Variants in KCNH7 observed in about 807,000 individuals in gnomAD.
The protein encoded by KCNH7 is voltage-gated inwardly rectifying potassium channel KCNH7.
KCNH7 carries 49 observed loss-of-function variants against 120.8 expected under a neutral mutation model. The observed-to-expected ratio is 0.41, with a 90% CI of 0.32 to 0.51. KCNH7 has a LOEUF of 0.51. KCNH7 is among the 20% of genes least tolerant of loss of function. The pLI, the probability that KCNH7 is intolerant of heterozygous loss-of-function variation, is 0.38. For missense variants in KCNH7, 1,097 were observed against 1,446.6 expected, an observed-to-expected ratio of 0.76 and a Z score of 3.92; for synonymous variants, 547 against 516.1, an observed-to-expected ratio of 1.06 and a Z score of -0.81.
chr2:162,432,295 C>T (rs539189444), intron 8 of KCNH7, among the ~76,000 whole-genome samples: 1 of 152,014 alleles, frequency 6.6e-6, no homozygotes, highest in South Asian at 2.1e-4. Context: ...TTTCTGGGTA[C>T]AATGTTACTT....
chr2:162,835,564 T>A (rs1685633448), intron 2 of KCNH7, among the ~76,000 whole-genome samples: 1 of 151,996 alleles, frequency 6.6e-6, no homozygotes, highest in African/African-American at 2.4e-5. Context: ...ACATTCAATT[T>A]TTTAAAGTAA....
intron 2 of KCNH7, among the ~76,000 whole-genome samples, chr2:162,815,618 A>C (rs79697348): frequency 0.036 from 5,493 of 152,334 alleles, 136 homozygotes; most frequent in Non-Finnish European, 0.057. Flanking sequence ...GCAGACAAAC[A>C]CTGAGGAAGA....
intron 2 of KCNH7, among the ~76,000 whole-genome samples, chr2:162,713,950 T>C (rs1687017184): frequency 6.6e-6 from 1 of 152,154 alleles, no homozygotes. Flanking sequence ...GGTTTTACCA[T>C]GTTGGCCAGG....
At chr2:162,405,341 C>T (rs972755915) in intron 9 of KCNH7, among the ~76,000 whole-genome samples, 1 of 151,624 alleles carries the variant, frequency 6.6e-6, no homozygotes, top group African/African-American at 2.4e-5. Context: ...TTTGAGGACC[C>T]CAAATTTAAA....
Position 162,505,352 on chromosome 2 carries a change from T to C in KCNH7, c.914-695A>G, listed in dbSNP as rs185534236. Reference sequence around the variant, plus strand: ...TTATGTTTAAGTCTTGACCACTTTCTGAGAAAAAAAAAAGGCGCTATTAAA... The same window carrying C: ...TTATGTTTAAGTCTTGACCACTTTCCGAGAAAAAAAAAAGGCGCTATTAAA... On this transcript the variant is annotated intron_variant, in intron 5 of 15. Transcript: ENST00000332142. Among the ~76,000 whole-genome samples, 1,449 of 151,410 alleles carry C rather than the reference T, an allele frequency of 9.6e-3. 31 individuals carry two copies. The highest frequency in any genetic ancestry group is 0.032 in the African/African-American group (1,335 of 41,320).
chr2:162,691,301 T>C (rs948855818), intron 2 of KCNH7, among the ~76,000 whole-genome samples: 2 of 152,214 alleles, frequency 1.3e-5, no homozygotes, highest in Admixed American at 6.5e-5. Flanking sequence ...ACTCCATTCC[T>C]ATTTATATTT....
chr2:162,581,126 C>T (rs960361540), intron 2 of KCNH7, among the ~76,000 whole-genome samples: 6 of 152,018 alleles, frequency 3.9e-5, no homozygotes, highest in African/African-American at 1.2e-4. Context: ...CTTCACGCAA[C>T]TGAAATTTGA....
intron 9 of KCNH7, among the ~76,000 whole-genome samples, chr2:162,408,017 A>T (rs1327448751): frequency 2.0e-5 from 3 of 152,044 alleles, no homozygotes; most frequent in Admixed American, 2.0e-4. Flanking sequence ...TACATTGGCA[A>T]TCACCCCAGT....
Position 162,379,857 on chromosome 2 carries a change from T to C in KCNH7, c.3127A>G (p.Asn1043Asp). 6.2e-7 allele frequency: 1 copy of C among 1,613,956 alleles called. No individual in the cohort carries two copies. Among genetic ancestry groups the C allele is most frequent in the African/African-American group, 1.3e-5 (1 of 75,038 alleles). ...QRLDLLQEQL[N>D]RLESQMTTDI... ...TTTGCCCATCACTGCTTATACCTGT[T>C]AAGTTGCTCCTGGAGCAGATCTAAT... The change falls in exon 14 of 16, where the codon AAC (asparagine) becomes GAC (aspartate). Residue 1043 changes from asparagine to aspartate, a missense_variant. Transcript: ENST00000332142.
In KCNH7 at chr2:162,506,431, TAC is replaced by T. The variant is rs200506471; in HGVS notation, c.914-1776_914-1775del. Among the ~76,000 whole-genome samples, 928 of 151,956 alleles carry T rather than the reference TAC, an allele frequency of 6.1e-3. 9 individuals carry two copies. The highest frequency in any genetic ancestry group is 0.019 in the African/African-American group (788 of 41,528). On this transcript the variant is annotated intron_variant, in intron 5 of 15. Transcript: ENST00000332142. Reference sequence around the variant, plus strand: ...GTTCTAGGTTTTATATCTTAATATTTACAGTTTGTAAATTATGCTAGGATTTC... The same window carrying T: ...GTTCTAGGTTTTATATCTTAATATTTAGTTTGTAAATTATGCTAGGATTTC...
chr2:162,636,367 G>C (rs775866162), intron 2 of KCNH7, among the ~76,000 whole-genome samples: 2 of 152,072 alleles, frequency 1.3e-5, no homozygotes, highest in Non-Finnish European at 2.9e-5. Flanking sequence ...CATTGTATCT[G>C]TTGCCAAGTG....
intron 2 of KCNH7, among the ~76,000 whole-genome samples, chr2:162,632,823 C>A (rs1192277614): frequency 2.0e-5 from 3 of 151,440 alleles, no homozygotes; most frequent in Non-Finnish European, 3.0e-5. Context: ...TCTGTACTAA[C>A]AAATAAATTT....
chr2:162,634,330 G>A (rs1385767807), intron 2 of KCNH7, among the ~76,000 whole-genome samples: 1 of 152,020 alleles, frequency 6.6e-6, no homozygotes, highest in East Asian at 1.9e-4. Context: ...TTGAAAGCAC[G>A]CAGGTCCTGG....
chr2:162,809,976 C>A lies in KCNH7; in HGVS notation c.307+26561G>T, dbSNP rs1378753224. On this transcript the variant is annotated intron_variant, in intron 2 of 15. Coordinates refer to ENST00000332142, the MANE Select transcript of KCNH7 (RefSeq NM_033272.4). ...TGTCGCCCAGGCTGGAGTGCAGTGG[C>A]GCAATCTCAGCTCACTGCAAGCTCC... is the stretch of plus-strand genomic sequence containing the variant. 3.5e-4 allele frequency among the ~76,000 whole-genome samples: 6 copies of A among 17,206 alleles called. 2 individuals carry two copies. The East Asian group carries it at 7.7e-3, about 22-fold the overall frequency. The allele number at this position is 17,206 out of a possible 152,430, so 11.3% of individuals were successfully genotyped here.
intron 2 of KCNH7, among the ~76,000 whole-genome samples, chr2:162,658,813 T>G (rs1179157656): frequency 6.6e-6 from 1 of 152,224 alleles, no homozygotes; most frequent in African/African-American, 2.4e-5. Context: ...CTTTTGTACA[T>G]TAGCCTTGTA....
At chr2:162,479,824 G>T (rs1448717175) in intron 6 of KCNH7, among the ~76,000 whole-genome samples, 1 of 152,018 alleles carries the variant, frequency 6.6e-6, no homozygotes, top group Non-Finnish European at 1.5e-5. Flanking sequence ...CCCTCCTAAT[G>T]CCTTTTTTTA....
At chr2:162,711,985 C>T (rs1686943126) in intron 2 of KCNH7, among the ~76,000 whole-genome samples, 1 of 151,364 alleles carries the variant, frequency 6.6e-6, no homozygotes, top group Non-Finnish European at 1.5e-5. Context: ...TGTCTTTTTC[C>T]CTTTTTCATT....
intron 2 of KCNH7, among the ~76,000 whole-genome samples, chr2:162,622,297 C>A (rs148348192): frequency 7.2e-5 from 11 of 152,282 alleles, no homozygotes; most frequent in Non-Finnish European, 1.5e-4. Flanking sequence ...GATATGGAGG[C>A]TTCGCTTTTG....
Position 162,443,561 on chromosome 2 carries a change from A to G in KCNH7, c.1554+2457T>C, listed in dbSNP as rs79964717. Among the ~76,000 whole-genome samples, 511 of 152,300 alleles carry G rather than the reference A, an allele frequency of 3.4e-3. 9 individuals carry two copies. The East Asian group carries it at 0.056, about 17-fold the overall frequency. On this transcript the variant is annotated intron_variant, in intron 7 of 15. Transcript: ENST00000332142. ...CTTCCATTCAATACTTAATCCATCAACAAGCCTTGGCAGCTCACCTCCAAA... is the reference window on the plus strand; with the variant it reads ...CTTCCATTCAATACTTAATCCATCAGCAAGCCTTGGCAGCTCACCTCCAAA...
Sources: allele counts gnomAD v4.1 joint callset (sites outside exome capture counted in the v4.1 genomes callset), GRCh38; gene constraint gnomAD v4.1.1; transcripts MANE v1.5; gene names NCBI Gene and HGNC (gene_info 2026-07-23, HGNC 2026-07-21).